KCNMA1: variants seen among roughly 807,000 people sequenced by gnomAD.
KCNMA1 encodes Calcium-activated potassium channel subunit alpha-1.
In KCNMA1, 29 loss-of-function variants were observed where a neutral mutation model predicts 140.0. That is an observed-to-expected ratio of 0.21 (90% CI 0.15 to 0.28). The LOEUF (loss-of-function observed/expected upper bound fraction) is 0.28, where lower values mean the gene tolerates loss of function less well. KCNMA1 is among the 10% of genes least tolerant of loss of function. The pLI, the probability that KCNMA1 is intolerant of heterozygous loss-of-function variation, is 1.00. For synonymous variants in KCNMA1, 612 were observed against 611.9 expected, an observed-to-expected ratio of 1.00 and a Z score of 0.00; for missense variants, 880 against 1,602.2, an observed-to-expected ratio of 0.55 and a Z score of 7.70.
intron 6 of KCNMA1, among the ~76,000 whole-genome samples, chr10:77,112,801 T>TC (rs908993235): frequency 3.6e-4 from 54 of 151,878 alleles, no homozygotes; most frequent in African/African-American, 1.1e-3. Context: ...TTTTCTCTTA[T>TC]CCCCCCCGCC....
In KCNMA1 at chr10:77,373,098, C is replaced by T. The variant is rs1159904084; in HGVS notation, c.540+30764G>A. Among the ~76,000 whole-genome samples, 3 of 152,286 alleles carry T rather than the reference C, an allele frequency of 2.0e-5. No homozygotes were observed. The South Asian group carries it at 6.2e-4, about 32-fold the overall frequency. On this transcript the variant is annotated intron_variant, in intron 2 of 27. Transcript: ENST00000286628. ...ATCTCAAAGTTTATTAATTGACTCCCGTGTAGGACATTAACCAGTTTTGTT... is the reference window on the plus strand; with the variant it reads ...ATCTCAAAGTTTATTAATTGACTCCTGTGTAGGACATTAACCAGTTTTGTT...
At chr10:76,999,182 T>C (rs2085366270) in intron 19 of KCNMA1, among the ~76,000 whole-genome samples, 1 of 152,250 alleles carries the variant, frequency 6.6e-6, no homozygotes, top group Admixed American at 6.5e-5. Context: ...ATGGTTGGAT[T>C]AAATTGCACA....
intron 3 of KCNMA1, among the ~76,000 whole-genome samples, chr10:77,245,508 A>G (rs997888875): frequency 6.6e-6 from 1 of 152,170 alleles, no homozygotes; most frequent in Non-Finnish European, 1.5e-5. Context: ...GAAGCCAGAT[A>G]CTTTATGACA....
At chr10:77,557,053 G>A (rs565430660) in intron 1 of KCNMA1, among the ~76,000 whole-genome samples, 33 of 152,312 alleles carry the variant, frequency 2.2e-4, no homozygotes, top group African/African-American at 7.9e-4. Flanking sequence ...TGGCAAAAGA[G>A]CAAAAGATAG....
intron 19 of KCNMA1, among the ~76,000 whole-genome samples, chr10:76,981,188 T>C (rs984794201): frequency 6.6e-6 from 1 of 152,140 alleles, no homozygotes; most frequent in African/African-American, 2.4e-5. Flanking sequence ...CCCCAAGCAA[T>C]TGAGCCGCTA....
chr10:77,083,501 TAAAAAAAAA>T (rs35527205), intron 12 of KCNMA1, among the ~76,000 whole-genome samples: 3 of 91,394 alleles, frequency 3.3e-5, no homozygotes, highest in Non-Finnish European at 6.3e-5. Flanking sequence ...AGATGTTCTG[TAAAAAAAAA>T]AAAAAAAAAA....
At chr10:76,956,663 G>A (rs931805975) in intron 20 of KCNMA1, among the ~76,000 whole-genome samples, 1 of 152,152 alleles carries the variant, frequency 6.6e-6, no homozygotes, top group Non-Finnish European at 1.5e-5. Context: ...TAGTCAAAGA[G>A]AGGTCCACAA....
At chr10:77,329,330 T>C (rs2085436719) in intron 2 of KCNMA1, among the ~76,000 whole-genome samples, 1 of 152,194 alleles carries the variant, frequency 6.6e-6, no homozygotes, top group African/African-American at 2.4e-5. Flanking sequence ...TCCAATGTGA[T>C]ATTAGGAGGC....
chr10:77,172,107 C>T (rs1292924646), intron 5 of KCNMA1, among the ~76,000 whole-genome samples: 1 of 152,170 alleles, frequency 6.6e-6, no homozygotes, highest in African/African-American at 2.4e-5. Context: ...ATCTGATCTG[C>T]TAGCCAGGTC....
At chr10:77,418,996 G>A (rs1052107397) in intron 1 of KCNMA1, among the ~76,000 whole-genome samples, 12 of 152,174 alleles carry the variant, frequency 7.9e-5, no homozygotes, top group African/African-American at 2.9e-4. Flanking sequence ...AAAAATGTCA[G>A]TAACCTGAAT....
chr10:76,989,172 C>T (rs527824204), intron 19 of KCNMA1, among the ~76,000 whole-genome samples: 6 of 152,194 alleles, frequency 3.9e-5, no homozygotes, highest in Admixed American at 1.3e-4. Flanking sequence ...AGGGAGAGGG[C>T]CTTTTTCTGT....
intron 1 of KCNMA1, among the ~76,000 whole-genome samples, chr10:77,439,004 A>G (rs1287761350): frequency 6.8e-6 from 1 of 147,278 alleles, no homozygotes; most frequent in East Asian, 2.0e-4. Flanking sequence ...TGAACCCGGG[A>G]GGCCGAGGCC....
At chr10:77,043,982 T>A (rs2094891013) in intron 14 of KCNMA1, among the ~76,000 whole-genome samples, 1 of 152,218 alleles carries the variant, frequency 6.6e-6, no homozygotes, top group Non-Finnish European at 1.5e-5. Context: ...ATTAAGATAG[T>A]AAATTTTGTA....
intron 2 of KCNMA1, among the ~76,000 whole-genome samples, chr10:77,348,627 T>A (rs2092499143): frequency 6.6e-6 from 1 of 152,210 alleles, no homozygotes; most frequent in Non-Finnish European, 1.5e-5. Flanking sequence ...AGAAGAAGCT[T>A]TGTATATTTC....
At chr10:76,939,063 T>G (rs1390915505) in intron 23 of KCNMA1, 3 of 150,872 alleles carry the variant, frequency 2.0e-5, no homozygotes, top group Non-Finnish European at 4.4e-5. Flanking sequence ...AAATTTCAAG[T>G]GCTCCATAGC....
At chr10:76,873,964 T>C (rs1166588025), downstream of KCNMA1, 5 of 151,758 alleles carry the variant, frequency 3.3e-5, no homozygotes, top group Admixed American at 3.3e-4. Context: ...ATGGGGAAAA[T>C]GGCAGGAATT....
At chr10:77,491,920 T>A (rs896223246) in intron 1 of KCNMA1, among the ~76,000 whole-genome samples, 1 of 152,262 alleles carries the variant, frequency 6.6e-6, no homozygotes, top group East Asian at 1.9e-4. Context: ...CATAAACCCA[T>A]AGCCCTTAGA....
chr10:77,580,396 A>G (rs992065553), intron 1 of KCNMA1, among the ~76,000 whole-genome samples: 1 of 151,946 alleles, frequency 6.6e-6, no homozygotes, highest in African/African-American at 2.4e-5. Flanking sequence ...AAAAAAAAAA[A>G]AGAAATGTCT....
At chr10:77,446,893 T>C (rs974820548) in intron 1 of KCNMA1, among the ~76,000 whole-genome samples, 1 of 152,152 alleles carries the variant, frequency 6.6e-6, no homozygotes, top group Non-Finnish European at 1.5e-5. Flanking sequence ...TTGTTCACAC[T>C]GTTTTGCTTA....
Sources: gnomAD v4.1 joint callset for allele counts (sites outside exome capture counted in the v4.1 genomes callset) on GRCh38, gnomAD v4.1.1 for gene constraint, MANE v1.5 for transcripts, NCBI Gene and HGNC (gene_info 2026-07-23, HGNC 2026-07-21) for gene names.